NRG3: variants seen among roughly 807,000 people sequenced by gnomAD.
NRG3 encodes the protein pro-neuregulin-3, membrane-bound isoform.
NRG3 carries 31 observed loss-of-function variants against 66.9 expected under a neutral mutation model. That is an observed-to-expected ratio of 0.46 (90% CI 0.35 to 0.63). NRG3 has a LOEUF of 0.63. Among genes scored for constraint, NRG3 ranks in the 20% least tolerant of loss-of-function variants. NRG3 has a pLI of 0.00. For synonymous variants in NRG3, 393 were observed against 359.4 expected, an observed-to-expected ratio of 1.09 and a Z score of -1.06; for missense variants, 910 against 878.9, an observed-to-expected ratio of 1.04 and a Z score of -0.45.
At chr10:82,002,194 A>G (rs1416347320) in intron 1 of NRG3, among the ~76,000 whole-genome samples, 1 of 152,180 alleles carries the variant, frequency 6.6e-6, no homozygotes, top group Non-Finnish European at 1.5e-5. Context: ...AAGTTGCCAA[A>G]TACGTTTTTG....
At chr10:82,454,489 A>T (rs2091180903) in intron 2 of NRG3, among the ~76,000 whole-genome samples, 1 of 152,252 alleles carries the variant, frequency 6.6e-6, no homozygotes, top group Non-Finnish European at 1.5e-5. Context: ...TACAAAATAG[A>T]TCAAGGAGAC....
At chr10:82,787,924 C>A (rs1304451923) in intron 3 of NRG3, among the ~76,000 whole-genome samples, 1 of 152,178 alleles carries the variant, frequency 6.6e-6, no homozygotes, top group East Asian at 1.9e-4. Context: ...GCATAACAGA[C>A]CTAGGCTGCA....
chr10:82,981,549 T>C (rs1852900594), intron 8 of NRG3, among the ~76,000 whole-genome samples: 1 of 152,198 alleles, frequency 6.6e-6, no homozygotes, highest in South Asian at 2.1e-4. Flanking sequence ...GAAATGAATT[T>C]GCAAGAGCCA....
chr10:81,964,736 A>C (rs914559961), intron 1 of NRG3, among the ~76,000 whole-genome samples: 1 of 152,154 alleles, frequency 6.6e-6, no homozygotes, highest in Non-Finnish European at 1.5e-5. Context: ...CGGCCTCATC[A>C]ATGATGGCTT....
chr10:82,378,237 A>C lies in NRG3; in HGVS notation c.953+19369A>C, dbSNP rs181354302. Among the ~76,000 whole-genome samples the C allele has an allele frequency of 1.2e-4, 19 of 152,350 alleles. 1 individual carries two copies. The highest frequency in any genetic ancestry group is 1.0e-3 in the South Asian group (5 of 4,830). The stretch of plus-strand genomic sequence containing the variant: ...CCTGGAAAAGTTACAGAGGGAAAGC[A>C]TTAAGACATGGAAAACATTCTGAGA... On this transcript the variant is annotated intron_variant, in intron 2 of 8. Coordinates refer to ENST00000372141, the MANE Select transcript of NRG3 (RefSeq NM_001010848.4).
chr10:82,745,549 T>C (rs985485220), intron 3 of NRG3, among the ~76,000 whole-genome samples: 2 of 152,158 alleles, frequency 1.3e-5, no homozygotes, highest in African/African-American at 4.8e-5. Context: ...TTATTACCGT[T>C]TTTCTGGCTT....
intron 4 of NRG3, among the ~76,000 whole-genome samples, chr10:82,913,149 T>A (rs1845493593): frequency 6.6e-6 from 1 of 152,102 alleles, no homozygotes; most frequent in South Asian, 2.1e-4. Flanking sequence ...GGCTTGAACC[T>A]GGGAGGCAGA....
rs1019441489 is a variant in NRG3 at position 82,958,574 on chromosome 10, A to G, written c.1158-375A>G. Among the ~76,000 whole-genome samples, 3 of 152,224 alleles carry G rather than the reference A, an allele frequency of 2.0e-5. 1 individual carries two copies. Among genetic ancestry groups the G allele is most frequent in the Non-Finnish European group, 4.4e-5 (3 of 68,040 alleles). On this transcript the variant is annotated intron_variant, in intron 5 of 8. Coordinates refer to ENST00000372141, the MANE Select transcript of NRG3 (RefSeq NM_001010848.4). ...ATAAATGTAACTCTACAAATATGTC[A>G]TATGTACCTGCTAAGCCCAAGTCTT...
rs1319437197 is a variant in NRG3, at chr10:82,363,440, G to GT, written c.953+4578dup. On this transcript the variant is annotated intron_variant, in intron 2 of 8. Coordinates refer to ENST00000372141, the MANE Select transcript of NRG3 (RefSeq NM_001010848.4). The stretch of plus-strand genomic sequence containing the variant: ...TAGTATGTTTTAAAAGCCTTATACT[G>GT]TTTTTTGTTTGTTTGTTTGTTTGTT... Among the ~76,000 whole-genome samples the GT allele has an allele frequency of 9.4e-5, 14 of 148,540 alleles. No homozygotes were observed. The Admixed American group carries it at 9.6e-4, about 10-fold the overall frequency.
chr10:82,152,394 A>T (rs1276579872), intron 1 of NRG3, among the ~76,000 whole-genome samples: 1 of 152,196 alleles, frequency 6.6e-6, no homozygotes, highest in Non-Finnish European at 1.5e-5. Flanking sequence ...CAATTTGCTT[A>T]GCCTTTGTAT....
At chr10:82,198,512 A>G (rs2074571366) in intron 1 of NRG3, among the ~76,000 whole-genome samples, 1 of 152,184 alleles carries the variant, frequency 6.6e-6, no homozygotes, top group Non-Finnish European at 1.5e-5. Context: ...AGCAAAGGTG[A>G]TTTAAAAACC....
intron 1 of NRG3, among the ~76,000 whole-genome samples, chr10:82,074,709 T>G (rs1473068641): frequency 2.0e-5 from 3 of 152,130 alleles, no homozygotes; most frequent in African/African-American, 7.2e-5. Flanking sequence ...TAGTAGTGTG[T>G]GCCTGTAGTC....
intron 2 of NRG3, among the ~76,000 whole-genome samples, chr10:82,479,416 T>TGGCC (rs745816428): frequency 1.3e-5 from 2 of 150,436 alleles, no homozygotes; most frequent in Non-Finnish European, 3.0e-5. Flanking sequence ...GTAAAAAAAC[T>TGGCC]GGCCGGGCGC....
At chr10:82,746,505 A>T (rs1316445984) in intron 3 of NRG3, among the ~76,000 whole-genome samples, 2 of 152,062 alleles carry the variant, frequency 1.3e-5, no homozygotes, top group Admixed American at 1.3e-4. Context: ...GCCCTGGGAG[A>T]GCTGGGCATT....
chr10:82,336,033 A>C (rs1244786349), intron 1 of NRG3, among the ~76,000 whole-genome samples: 5 of 152,238 alleles, frequency 3.3e-5, no homozygotes, highest in African/African-American at 9.6e-5. Context: ...GCATAAACAG[A>C]TGAGCTCAGC....
At chr10:82,289,991 G>C (rs2079631299) in intron 1 of NRG3, among the ~76,000 whole-genome samples, 1 of 152,188 alleles carries the variant, frequency 6.6e-6, no homozygotes, top group African/African-American at 2.4e-5. Context: ...TTTCAAGTAA[G>C]TGTATGGCAT....
intron 1 of NRG3, among the ~76,000 whole-genome samples, chr10:82,270,968 G>A (rs1396901456): frequency 1.3e-5 from 2 of 152,070 alleles, no homozygotes; most frequent in Non-Finnish European, 2.9e-5. Context: ...TTCATTCCAG[G>A]ATGAGGGTGA....
At chr10:82,834,846 G>A (rs1053797662) in intron 3 of NRG3, among the ~76,000 whole-genome samples, 17 of 152,324 alleles carry the variant, frequency 1.1e-4, no homozygotes, top group African/African-American at 3.6e-4. Flanking sequence ...GCAGCAAGCT[G>A]CTTAGGTAGG....
intron 2 of NRG3, among the ~76,000 whole-genome samples, chr10:82,450,062 A>G (rs1209894494): frequency 6.6e-6 from 1 of 152,218 alleles, no homozygotes; most frequent in Non-Finnish European, 1.5e-5. Flanking sequence ...GGTCTGTAGA[A>G]AAATAAGTTT....
Sources: allele counts gnomAD v4.1 joint callset (sites outside exome capture counted in the v4.1 genomes callset), GRCh38; gene constraint gnomAD v4.1.1; transcripts MANE v1.5; gene names NCBI Gene and HGNC (gene_info 2026-07-23, HGNC 2026-07-21).